The following MAP4K4 variants were observed in gnomAD, a reference collection of about 807,000 sequenced individuals.
MAP4K4 encodes mitogen-activated protein kinase kinase kinase kinase 4.
Under a neutral mutation model 189.6 loss-of-function variants are expected in MAP4K4, and 38 were observed. That is an observed-to-expected ratio of 0.20 (90% CI 0.15 to 0.26). MAP4K4 has a LOEUF of 0.26. MAP4K4 is among the 10% of genes least tolerant of loss of function. The pLI is 1.00. For missense variants in MAP4K4, 1,054 were observed against 1,726.9 expected, an observed-to-expected ratio of 0.61 and a Z score of 6.91; for synonymous variants, 610 against 624.3, an observed-to-expected ratio of 0.98 and a Z score of 0.34.
At chr2:101,753,424 T>G (rs1464388483) in intron 2 of MAP4K4, among the ~76,000 whole-genome samples, 1 of 152,248 alleles carries the variant, frequency 6.6e-6, no homozygotes. Context: ...ATTCTCATTG[T>G]GCTGCTTGCA....
intron 2 of MAP4K4, among the ~76,000 whole-genome samples, chr2:101,772,882 G>T (rs2082171009): frequency 6.6e-6 from 1 of 152,194 alleles, no homozygotes; most frequent in Non-Finnish European, 1.5e-5. Context: ...AGTTGGTAAT[G>T]TTATTCACTG....
intron 2 of MAP4K4, among the ~76,000 whole-genome samples, chr2:101,780,976 G>C (rs1460649648): frequency 6.6e-6 from 1 of 152,090 alleles, no homozygotes; most frequent in Non-Finnish European, 1.5e-5. Flanking sequence ...AAAATTACTG[G>C]GTCTTTAGCC....
At chr2:101,855,337 A>T (rs1407875214) in intron 12 of MAP4K4, among the ~76,000 whole-genome samples, 1 of 152,204 alleles carries the variant, frequency 6.6e-6, no homozygotes, top group Non-Finnish European at 1.5e-5. Context: ...CTGCTTTCGC[A>T]TCTGTAAAGC....
intron 2 of MAP4K4, among the ~76,000 whole-genome samples, chr2:101,752,467 T>C (rs1278500566): frequency 6.6e-6 from 1 of 152,224 alleles, no homozygotes; most frequent in East Asian, 1.9e-4. Context: ...TATATCCATC[T>C]GCATTTTCTC....
chr2:101,702,804 G>A (rs1281774771), intron 2 of MAP4K4, among the ~76,000 whole-genome samples: 2 of 152,184 alleles, frequency 1.3e-5, no homozygotes, highest in Admixed American at 6.5e-5. Flanking sequence ...TGGAGATTGA[G>A]GACAAGGGTA....
intron 2 of MAP4K4, among the ~76,000 whole-genome samples, chr2:101,700,866 C>T (rs1204180770): frequency 1.3e-5 from 2 of 151,060 alleles, no homozygotes; most frequent in African/African-American, 2.4e-5. Context: ...GTGAAAATAG[C>T]AGAACATCTC....
Position 101,834,793 on chromosome 2 carries a change from C to G in MAP4K4, c.694+330C>G, listed in dbSNP as rs573241948. Among the ~76,000 whole-genome samples, 5 of 152,320 alleles carry G rather than the reference C, an allele frequency of 3.3e-5. No homozygotes were observed. The East Asian group carries it at 9.6e-4, about 29-fold the overall frequency. ...TTTTAAATTGAGTAATTCAGTGAAA[C>G]TAGTCCTAACACATGAAATTTTAGT... On this transcript the variant is annotated intron_variant, in intron 8 of 32. Transcript: ENST00000324219.
chr2:101,799,700 C>G (rs928885415), intron 3 of MAP4K4, among the ~76,000 whole-genome samples: 2 of 152,026 alleles, frequency 1.3e-5, no homozygotes, highest in Non-Finnish European at 2.9e-5. Context: ...TTCCTGGGCT[C>G]AAGTGATCCT....
intron 23 of MAP4K4, chr2:101,870,629 C>T: frequency 1.8e-6 from 1 of 549,524 alleles, no homozygotes; most frequent in Non-Finnish European, 3.2e-6. Context: ...ATCGCTGCTC[C>T]TCTGCATGTC....
intron 21 of MAP4K4, 23 bp from the exon 22 acceptor site, chr2:101,869,599 C>G (rs933576147): frequency 1.3e-6 from 2 of 1,596,190 alleles, no homozygotes; most frequent in South Asian, 2.3e-5. Context: ...GCCTTACTCT[C>G]TCTTTTCTGT....
rs1213189118 is a variant in MAP4K4 at position 101,867,326 on chromosome 2, A to G, written c.2454+17A>G. Reference sequence around the variant, plus strand: ...AAGCCTGCTGTAAGGATTGTGCAGGATCAGTTTTACTTATTTCAGACTTGA... The same window carrying G: ...AAGCCTGCTGTAAGGATTGTGCAGGGTCAGTTTTACTTATTTCAGACTTGA... On this transcript the variant is annotated intron_variant, in intron 20 of 32. Coordinates refer to ENST00000324219, the Ensembl canonical transcript of MAP4K4. 6.3e-7 allele frequency: 1 copy of G among 1,577,598 alleles called. No individual in the cohort carries two copies.
intron 7 of MAP4K4, 85 bp from the exon 8 acceptor site, chr2:101,834,324 G>A: frequency 2.0e-6 from 2 of 1,006,908 alleles, no homozygotes; most frequent in East Asian, 2.7e-5. Context: ...GGTTTATATA[G>A]CAAAGTTGTG....
exon 20 of MAP4K4, chr2:101,867,237 A>C: frequency 3.1e-6 from 5 of 1,605,430 alleles, no homozygotes; most frequent in Non-Finnish European, 4.3e-6. Flanking sequence ...AAGGCTCTCC[A>C]TCTCAGCGCC....
intron 2 of MAP4K4, among the ~76,000 whole-genome samples, chr2:101,722,220 T>C (rs1451947495): frequency 6.6e-6 from 1 of 152,206 alleles, no homozygotes; most frequent in Non-Finnish European, 1.5e-5. Flanking sequence ...ATTGATGCCT[T>C]TGCTGCAACC....
rs535446872 is a variant in MAP4K4, at chr2:101,715,752, A to G, written c.123+17214A>G. Among the ~76,000 whole-genome samples, 8 of 152,280 alleles carry G rather than the reference A, an allele frequency of 5.3e-5. No individual in the cohort carries two copies. In the East Asian group the frequency reaches 7.7e-4, roughly 15 times the overall value. ...GGGTCTTCTAATCCAGGGGTCCCCG[A>G]CTTCTGAGTTTCAGACAAGTACTGG... On this transcript the variant is annotated intron_variant, in intron 2 of 32. Coordinates refer to ENST00000324219, the Ensembl canonical transcript of MAP4K4.
chr2:101,756,734 T>A (rs868530234), intron 2 of MAP4K4, among the ~76,000 whole-genome samples: 143 of 150,976 alleles, frequency 9.5e-4, no homozygotes, highest in African/African-American at 3.4e-3. Flanking sequence ...TTTGTATTTT[T>A]TTTTTTTTTT....
At chr2:101,743,152 G>GTTAACATACCTTGGGGA (rs2063598597) in intron 2 of MAP4K4, among the ~76,000 whole-genome samples, 1 of 152,180 alleles carries the variant, frequency 6.6e-6, no homozygotes, top group African/African-American at 2.4e-5. Context: ...TTAACCACAT[G>GTTAACATACCTTGGGGA]TTAACATACC....
chr2:101,699,501 C>T (rs1280297948), intron 2 of MAP4K4, among the ~76,000 whole-genome samples: 1 of 152,146 alleles, frequency 6.6e-6, no homozygotes, highest in East Asian at 1.9e-4. Flanking sequence ...GTTTAATCTG[C>T]ACTGGGGGAG....
At chr2:101,871,781 C>A in intron 24 of MAP4K4, 96 bp downstream of exon 24, 1 of 1,113,292 alleles carries the variant, frequency 9.0e-7, no homozygotes. Context: ...ACCCTCACCC[C>A]TTCCCTTCCC....
Sources: allele counts gnomAD v4.1 joint callset (sites outside exome capture counted in the v4.1 genomes callset), GRCh38; gene constraint gnomAD v4.1.1; transcripts MANE v1.5; gene names NCBI Gene and HGNC (gene_info 2026-07-23, HGNC 2026-07-21).